CWC27: variants seen among roughly 807,000 people sequenced by gnomAD.
CWC27 encodes CWC27 spliceosome associated cyclophilin.
A neutral mutation model predicts 63.6 loss-of-function variants in CWC27; 47 were observed. The observed-to-expected ratio is 0.74, with a 90% CI of 0.58 to 0.94. The LOEUF (loss-of-function observed/expected upper bound fraction) is 0.94. CWC27 is among the 40% of genes least tolerant of loss of function. CWC27 has a pLI of 0.00. For synonymous variants in CWC27, 175 were observed against 179.8 expected, an observed-to-expected ratio of 0.97 and a Z score of 0.22; for missense variants, 495 against 554.3, an observed-to-expected ratio of 0.89 and a Z score of 1.07.
intron 11 of CWC27, among the ~76,000 whole-genome samples, chr5:64,890,113 G>T (rs1432461574): frequency 6.6e-6 from 1 of 152,168 alleles, no homozygotes; most frequent in Non-Finnish European, 1.5e-5. Flanking sequence ...TAAGGTGTTA[G>T]GTCCTCTTTC....
chr5:64,776,068 CGAGAGAGAGAGAGAGAGA>C (rs70983650), intron 2 of CWC27, among the ~76,000 whole-genome samples: 30,926 of 108,690 alleles, frequency 0.28, 3,913 homozygotes, highest in East Asian at 0.42. Flanking sequence ...AGGAGTGGAG[CGAGAGAGAGAGAGAGAGA>C]GAGAGAGAGA....
chr5:64,836,649 T>G (rs891162205), intron 10 of CWC27, among the ~76,000 whole-genome samples: 2 of 152,006 alleles, frequency 1.3e-5, no homozygotes, highest in Non-Finnish European at 2.9e-5. Flanking sequence ...TGAGTTAGTA[T>G]GAACCTTTGA....
intron 11 of CWC27, among the ~76,000 whole-genome samples, chr5:64,947,039 T>A (rs1045425298): frequency 6.6e-6 from 1 of 152,158 alleles, no homozygotes; most frequent in South Asian, 2.1e-4. Context: ...GGCCATTTAT[T>A]TGGCTTTCTT....
chr5:64,798,188 T>C (rs943657529), intron 7 of CWC27, among the ~76,000 whole-genome samples: 1 of 152,222 alleles, frequency 6.6e-6, no homozygotes, highest in African/African-American at 2.4e-5. Context: ...TAATCTCATT[T>C]AATTCTCTTA....
chr5:64,782,179 A>C (rs1561403244), intron 3 of CWC27, 146 bp downstream of exon 3: 1 of 462,702 alleles, frequency 2.2e-6, no homozygotes, highest in African/African-American at 2.0e-5. Flanking sequence ...TGGGTGCAGT[A>C]GCTCATGCCT....
At chr5:64,925,211 C>T (rs964009519) in intron 11 of CWC27, among the ~76,000 whole-genome samples, 8 of 152,322 alleles carry the variant, frequency 5.3e-5, no homozygotes, top group South Asian at 2.1e-4. Context: ...AAAGATTACA[C>T]TGGGGCTACA....
intron 10 of CWC27, among the ~76,000 whole-genome samples, chr5:64,874,493 G>A (rs1244336267): frequency 6.6e-6 from 1 of 151,716 alleles, no homozygotes; most frequent in Admixed American, 6.6e-5. Context: ...TTTTTAGACA[G>A]TCTTGCCCTG....
chr5:64,795,762 C>T (rs1313084410), intron 7 of CWC27, among the ~76,000 whole-genome samples: 1 of 151,986 alleles, frequency 6.6e-6, no homozygotes, highest in African/African-American at 2.4e-5. Context: ...TCTCTTTTGC[C>T]ATGTAAGGTG....
chr5:64,776,491 T>G (rs961985829), intron 2 of CWC27, among the ~76,000 whole-genome samples: 2 of 152,050 alleles, frequency 1.3e-5, no homozygotes, highest in African/African-American at 4.8e-5. Context: ...CCCCTATTTA[T>G]AATAATGCAA....
chr5:64,915,177 T>TC (rs34460981), intron 11 of CWC27, among the ~76,000 whole-genome samples: 1 of 152,078 alleles, frequency 6.6e-6, no homozygotes. Flanking sequence ...TTTTCCTCTA[T>TC]CCCCTCCTTG....
chr5:64,936,216 G>A (rs1748349293), intron 11 of CWC27, among the ~76,000 whole-genome samples: 1 of 152,196 alleles, frequency 6.6e-6, no homozygotes, highest in Non-Finnish European at 1.5e-5. Flanking sequence ...TGCCCAGTCA[G>A]TATGATATTA....
chr5:64,862,530 GA>G (rs1451082672), intron 10 of CWC27, among the ~76,000 whole-genome samples: 2 of 151,898 alleles, frequency 1.3e-5, no homozygotes, highest in Non-Finnish European at 2.9e-5. Flanking sequence ...CCTTAAAATG[GA>G]AAAACTTATA....
intron 11 of CWC27, among the ~76,000 whole-genome samples, chr5:64,967,887 G>A (rs564111539): frequency 1.2e-3 from 190 of 152,082 alleles, no homozygotes; most frequent in African/African-American, 4.4e-3. Flanking sequence ...GACACAAAAA[G>A]TGTGATATGA....
At chr5:64,889,697 G>C (rs1747176989) in intron 11 of CWC27, among the ~76,000 whole-genome samples, 3 of 152,176 alleles carry the variant, frequency 2.0e-5, no homozygotes, top group Admixed American at 2.0e-4. Flanking sequence ...ATTGAATATA[G>C]AATTTGCAGT....
intron 10 of CWC27, among the ~76,000 whole-genome samples, chr5:64,877,663 G>T (rs1746826030): frequency 6.6e-6 from 1 of 151,816 alleles, no homozygotes. Flanking sequence ...AATACCACAT[G>T]TAGCCCATAA....
chr5:64,880,346 C>T (rs969158123), intron 10 of CWC27, among the ~76,000 whole-genome samples: 3 of 151,946 alleles, frequency 2.0e-5, no homozygotes, highest in South Asian at 2.1e-4. Flanking sequence ...TAATTTCTAG[C>T]TCTGTCACTT....
At chr5:64,975,114 G>A (rs1412169714) in intron 12 of CWC27, among the ~76,000 whole-genome samples, 1 of 152,172 alleles carries the variant, frequency 6.6e-6, no homozygotes, top group Non-Finnish European at 1.5e-5. Flanking sequence ...TGTATTTTTA[G>A]CTGTTGAATA....
intron 10 of CWC27, among the ~76,000 whole-genome samples, chr5:64,847,947 T>C (rs1428985031): frequency 6.6e-6 from 1 of 150,766 alleles, no homozygotes; most frequent in Non-Finnish European, 1.5e-5. Context: ...AACAACTTAA[T>C]GTTACAACTC....
intron 13 of CWC27, among the ~76,000 whole-genome samples, chr5:64,985,664 T>G (rs1004813084): frequency 8.5e-5 from 13 of 152,222 alleles, no homozygotes; most frequent in African/African-American, 3.1e-4. Context: ...TTGGATTTTT[T>G]TGTTGCTTTT....
Sources: allele counts gnomAD v4.1 joint callset (sites outside exome capture counted in the v4.1 genomes callset), GRCh38; gene constraint gnomAD v4.1.1; transcripts MANE v1.5; gene names NCBI Gene and HGNC (gene_info 2026-07-23, HGNC 2026-07-21).